SUGT1: variants seen among roughly 807,000 people sequenced by gnomAD.
The protein encoded by SUGT1 is SGT1 assembly cochaperone of MIS12 kinetochore complex, also known as protein SGT1 homolog.
Under a neutral mutation model 56.1 loss-of-function variants are expected in SUGT1, and 15 were observed. The observed-to-expected ratio is 0.27, with a 90% confidence interval of 0.18 to 0.41. The LOEUF is 0.41. Ranked by LOEUF, SUGT1 falls within the 10% of genes least tolerant of loss-of-function variation. The probability of loss-of-function intolerance (pLI) is 1.00; values close to 1 mark genes in which losing one functional copy is unlikely to be tolerated. For missense variants in SUGT1, 347 were observed against 382.2 expected, an observed-to-expected ratio of 0.91 and a Z score of 0.77; for synonymous variants, 123 against 128.6, an observed-to-expected ratio of 0.96 and a Z score of 0.30.
intron 6 of SUGT1, 64 bp downstream of exon 6, chr13:52,662,766 G>A: frequency 1.3e-6 from 2 of 1,531,012 alleles, no homozygotes; most frequent in Non-Finnish European, 1.8e-6. Context: ...AAATTTTTTT[G>A]GTTTAAACAA....
intron 12 of SUGT1, among the ~76,000 whole-genome samples, chr13:52,684,728 A>G (rs1218288218): frequency 2.6e-5 from 4 of 151,496 alleles, no homozygotes; most frequent in Non-Finnish European, 5.9e-5. Flanking sequence ...AGGCCTCCCC[A>G]TATTGCCCAG....
In SUGT1 at chr13:52,698,331, G is replaced by A. The variant is rs1963993205; in HGVS notation, c.*10496G>A. On this transcript the variant is annotated 3_prime_UTR_variant, in exon 13 of 13. Coordinates refer to ENST00000310528, the MANE Select transcript of SUGT1 (RefSeq NM_006704.5). ...TGTAGTCCAAACGTTTGGTTTTACAGATGCACTTTTTCCAGAGTGCTGTCA... is the reference window on the plus strand; with the variant it reads ...TGTAGTCCAAACGTTTGGTTTTACAAATGCACTTTTTCCAGAGTGCTGTCA... The A allele has an allele frequency of 6.6e-6, 1 of 151,912 alleles. No individual in the cohort carries two copies. The highest frequency in any genetic ancestry group is 2.4e-5 in the African/African-American group (1 of 41,384). The allele number at this position is 151,912 out of a possible 1,614,324, so 9.4% of individuals were successfully genotyped here.
At chr13:52,655,427 A>G (rs1473060529) in intron 2 of SUGT1, among the ~76,000 whole-genome samples, 1 of 152,184 alleles carries the variant, frequency 6.6e-6, no homozygotes, top group Non-Finnish European at 1.5e-5. Flanking sequence ...GGAAAATGAA[A>G]TTTTCTGAAT....
intron 12 of SUGT1, among the ~76,000 whole-genome samples, chr13:52,682,885 A>G (rs934007230): frequency 6.6e-6 from 1 of 152,192 alleles, no homozygotes; most frequent in Non-Finnish European, 1.5e-5. Flanking sequence ...AAGTGATTAT[A>G]TATAATTTTG....
intron 10 of SUGT1, among the ~76,000 whole-genome samples, chr13:52,671,746 ATTTT>A (rs1326205794): frequency 6.6e-6 from 1 of 152,156 alleles, no homozygotes; most frequent in East Asian, 1.9e-4. Flanking sequence ...TACTGTTCTC[ATTTT>A]ATAGGAGAAA....
intron 9 of SUGT1, 118 bp from the exon 10 acceptor site, chr13:52,666,694 A>G (rs1361392952): frequency 2.8e-6 from 2 of 713,692 alleles, no homozygotes; most frequent in South Asian, 1.8e-5. Flanking sequence ...CTAAAATTCC[A>G]TATATAATGT....
rs1963685637 is a variant in SUGT1 at position 52,688,842 on chromosome 13, A to G, written c.*1007A>G. 1 of 152,238 alleles carries G rather than the reference A, an allele frequency of 6.6e-6. No individual in the cohort carries two copies. Among genetic ancestry groups the G allele is most frequent in the Admixed American group, 6.5e-5 (1 of 15,276 alleles). The allele number at this position is 152,238 out of a possible 1,614,324, so 9.4% of individuals were successfully genotyped here. A position where few individuals can be genotyped will look rare whatever the true frequency, so the allele number is the denominator to read the frequency against. On this transcript the variant is annotated 3_prime_UTR_variant, in exon 13 of 13. Transcript: ENST00000310528. Reference sequence around the variant, plus strand: ...CATGAAGGAACTGTGGAAAGATTGAATGCTGAACTCGGTATAAATACACTT... The same window carrying G: ...CATGAAGGAACTGTGGAAAGATTGAGTGCTGAACTCGGTATAAATACACTT...
Position 52,688,864 on chromosome 13 carries a change from A to G in SUGT1, c.*1029A>G, listed in dbSNP as rs951199769. ...TGAATGCTGAACTCGGTATAAATAC[A>G]CTTTAGAGACAGGAAAATGTTCTGT... is the stretch of plus-strand genomic sequence containing the variant. On this transcript the variant is annotated 3_prime_UTR_variant, in exon 13 of 13. Coordinates refer to ENST00000310528, the MANE Select transcript of SUGT1 (RefSeq NM_006704.5). 1 of 152,226 alleles carries G rather than the reference A, an allele frequency of 6.6e-6. No homozygotes were observed. The highest frequency in any genetic ancestry group is 1.5e-5 in the Non-Finnish European group (1 of 68,038). The allele number at this position is 152,226 out of a possible 1,614,324, so 9.4% of individuals were successfully genotyped here. A position where few individuals can be genotyped will look rare whatever the true frequency, so the allele number is the denominator to read the frequency against.
At chr13:52,686,932 A>G (rs1028076271) in intron 12 of SUGT1, among the ~76,000 whole-genome samples, 7 of 151,918 alleles carry the variant, frequency 4.6e-5, no homozygotes, top group African/African-American at 1.7e-4. Flanking sequence ...TTAGCCGGGC[A>G]TGGTGGTGCA....
intron 2 of SUGT1, among the ~76,000 whole-genome samples, chr13:52,656,728 G>C (rs191512917): frequency 6.6e-6 from 1 of 152,298 alleles, no homozygotes; most frequent in Non-Finnish European, 1.5e-5. Context: ...CTAGGTTAAA[G>C]CAAAGTCAAT....
rs1305323697 is a variant in SUGT1, at chr13:52,698,060, C to T, written c.*10225C>T. ...AGTTACAGCAGAATAAGTACCAAGG[C>T]AAGATTGGAGAATGACCGGTTGTGA... On this transcript the variant is annotated 3_prime_UTR_variant, in exon 13 of 13. Coordinates refer to ENST00000310528, the MANE Select transcript of SUGT1 (RefSeq NM_006704.5). 2 of 152,140 alleles carry T rather than the reference C, an allele frequency of 1.3e-5. No homozygotes were observed. The highest frequency in any genetic ancestry group is 3.8e-4 in the East Asian group (2 of 5,202). 9.4% of individuals were successfully genotyped at this position (152,140 alleles called of 1,614,324 possible).
In SUGT1 at chr13:52,679,991, C is replaced by T. The variant is rs1963303754; in HGVS notation, c.736C>T (p.Pro246Ser). ...CTTCATAGATGTAAAGAACCTATAT[C>T]CATCATCATCTCCTTATACAAGAAA... ...QFVADVKNLY[P>S]SSSPYTRNWD... is the part of the protein sequence containing the mutation. The change falls in exon 12 of 13, where the codon CCA becomes TCA. Residue 246 changes from proline to serine, a missense_variant. Pro to Ser is a moderately conservative substitution (Grantham distance 74). Coordinates refer to ENST00000310528, the MANE Select transcript of SUGT1 (RefSeq NM_006704.5). 3 of 1,595,084 alleles carry T rather than the reference C, an allele frequency of 1.9e-6. No homozygotes were observed. The highest frequency in any genetic ancestry group is 1.4e-5 in the African/African-American group (1 of 73,448).
chr13:52,665,524 C>A, intron 8 of SUGT1, 113 bp from the exon 9 acceptor site: 1 of 630,300 alleles, frequency 1.6e-6, no homozygotes, highest in Admixed American at 3.7e-5. Flanking sequence ...AGTTGCTTTG[C>A]TGTTTTCTTC....
rs981027227 is a variant in SUGT1, at chr13:52,692,985, C to T, written c.*5150C>T. 7 of 152,074 alleles carry T rather than the reference C, an allele frequency of 4.6e-5. No individual in the cohort carries two copies. The highest frequency in any genetic ancestry group is 1.3e-4 in the Admixed American group (2 of 15,256). The allele number at this position is 152,074 out of a possible 1,614,324, so 9.4% of individuals were successfully genotyped here. ...AACTTGGGAGCTCTCATACCAGTTC[C>T]GTTGTACAAATGCTGAGATTGTTTC... On this transcript the variant is annotated 3_prime_UTR_variant, in exon 13 of 13. Coordinates refer to ENST00000310528, the MANE Select transcript of SUGT1 (RefSeq NM_006704.5).
At chr13:52,687,007 G>A (rs770210786) in intron 12 of SUGT1, 3 of 142,624 alleles carry the variant, frequency 2.1e-5, no homozygotes, top group Non-Finnish European at 4.5e-5. Flanking sequence ...GGAGGCAGAG[G>A]TTGCGGTGAG....
intron 4 of SUGT1, 77 bp from the exon 5 acceptor site, chr13:52,659,102 C>A: frequency 2.5e-6 from 3 of 1,213,786 alleles, no homozygotes; most frequent in South Asian, 1.6e-5. Flanking sequence ...GTAGAAAATA[C>A]TAAGTTTTTT....
At chr13:52,672,696 T>C (rs947586332) in intron 10 of SUGT1, among the ~76,000 whole-genome samples, 2 of 152,226 alleles carry the variant, frequency 1.3e-5, no homozygotes, top group African/African-American at 4.8e-5. Flanking sequence ...GCCCCAGCTC[T>C]TTAGTCTCTG....
At chr13:52,659,837 T>G (rs1215674935) in intron 5 of SUGT1, among the ~76,000 whole-genome samples, 1 of 77,828 alleles carries the variant, frequency 1.3e-5, no homozygotes, top group East Asian at 4.4e-4. Flanking sequence ...TTTTTTTTTT[T>G]TTTTTTTTTG....
At position 52,663,131 on chromosome 13, in the gene SUGT1, T is replaced by C; in HGVS notation, c.399+19T>C. The C allele has an allele frequency of 6.2e-7, 1 of 1,604,628 alleles. No individual in the cohort carries two copies. On this transcript the variant is annotated intron_variant, in intron 7 of 12. Transcript: ENST00000310528. ...TGAGGTGGTAAGTCCAAAGTTTTCA[T>C]TCTTCATGTTTTTATTATTTTAAAT... is the stretch of plus-strand genomic sequence containing the variant.
Sources: allele counts gnomAD v4.1 joint callset (sites outside exome capture counted in the v4.1 genomes callset), GRCh38; gene constraint gnomAD v4.1.1; transcripts MANE v1.5; gene names NCBI Gene and HGNC (gene_info 2026-07-23, HGNC 2026-07-21).